BRPF3: variants seen among roughly 807,000 people sequenced by gnomAD.
BRPF3 encodes bromodomain and PHD finger containing 3, also known as bromodomain and PHD finger-containing protein 3.
BRPF3 carries 18 observed loss-of-function variants against 102.0 expected under a neutral mutation model. That is an observed-to-expected ratio of 0.18 (90% CI 0.12 to 0.26). The LOEUF (loss-of-function observed/expected upper bound fraction) is 0.26, where lower values mean the gene tolerates loss of function less well. BRPF3 is among the 10% of genes least tolerant of loss of function. The pLI, the probability that BRPF3 is intolerant of heterozygous loss-of-function variation, is 1.00. For synonymous variants in BRPF3, 570 were observed against 614.2 expected (o/e 0.93, Z 1.06); for missense variants, 1,147 against 1,567.8 (o/e 0.73, Z 4.53).
Position 36,228,939 on chromosome 6 carries a change from A to C in BRPF3, c.3317A>C (p.His1106Pro). The change falls in exon 12 of 13, where the codon CAC becomes CCC. Residue 1106 changes from histidine (H) to proline (P), a missense_variant. His to Pro is a moderately conservative substitution (Grantham distance 77, BLOSUM62 -2). This residue lies in a region of BRPF3 where 85 missense variants were observed against 172.9 expected (regional missense o/e 0.49). Transcript: ENST00000357641. ...DPKMPREGLL[H>P]NGVPIPVPPL... The stretch of plus-strand genomic sequence containing the variant: ...AAGATGCCCCGGGAGGGCCTCCTGC[A>C]CAATGGCGTTCCCATCCCTGTCCCC... 1 of 1,614,192 alleles carries C rather than the reference A, an allele frequency of 6.2e-7. No individual in the cohort carries two copies. The highest frequency in any genetic ancestry group is 8.5e-7 in the Non-Finnish European group (1 of 1,180,022).
chr6:36,211,492 G>A lies in BRPF3; in HGVS notation c.2414G>A (p.Gly805Glu), dbSNP rs1432152604. The A allele has an allele frequency of 6.4e-7, 1 of 1,574,336 alleles. No individual in the cohort carries two copies. Among genetic ancestry groups the A allele is most frequent in the East Asian group, 2.4e-5 (1 of 42,214 alleles). The change falls in exon 7 of 13, where the codon GGG (glycine) becomes GAG (glutamate). Residue 805 changes from glycine (G) to glutamate (E), a missense_variant. By Grantham distance (98) the Gly-to-Glu change is moderately conservative (BLOSUM62 -2). This residue lies in a region of BRPF3 where 379 missense variants were observed against 426.3 expected (regional missense o/e 0.89). Coordinates refer to ENST00000357641, the MANE Select transcript of BRPF3 (RefSeq NM_015695.3). ...GTATCCAATGGGGAGCTGCCAGCAG[G>A]GCCCCAGGGGGATGCAGCTGTGCTG... ...KTVSNGELPAGPQGDAAVLEQ... is the reference protein window; with the variant it reads ...KTVSNGELPAEPQGDAAVLEQ...
chr6:36,197,202 C>G (rs1234193998), intron 1 of BRPF3: 1 of 152,714 alleles, frequency 6.5e-6, no homozygotes, highest in African/African-American at 2.4e-5. Flanking sequence ...TTGTCTCCCC[C>G]CCCAGCCCTG....
Position 36,200,026 on chromosome 6 carries a change from TA to T in BRPF3, c.-26-268del, listed in dbSNP as rs1767636887. Among the ~76,000 whole-genome samples, 2 of 152,190 alleles carry T rather than the reference TA, an allele frequency of 1.3e-5. No individual in the cohort carries two copies. The highest frequency in any genetic ancestry group is 2.4e-5 in the African/African-American group (1 of 41,442). On this transcript the variant is annotated intron_variant, in intron 1 of 12. Coordinates refer to ENST00000357641, the MANE Select transcript of BRPF3 (RefSeq NM_015695.3). The surrounding 1 kb of genome is among the most constrained non-coding windows in gnomAD (Gnocchi z 5.3). ...AGATGATGAATGTTAAAGGGAAAAATAAAGCAGAATGAAAGGTAGATTGCTG... is the reference window on the plus strand; with the variant it reads ...AGATGATGAATGTTAAAGGGAAAAATAAGCAGAATGAAAGGTAGATTGCTG...
In BRPF3 at chr6:36,204,680, C is replaced by A; in HGVS notation, c.1471C>A (p.Leu491Ile). ...AAGGTTGAACAAGATCTGTAGTGGT[C>A]TCTCCTTTCAGAGGAAAAACCAGTT... ...SYRLNKICSG[L>I]SFQRKNQFMQ... The change falls in exon 3 of 13, where the codon CTC becomes ATC. Residue 491 changes from leucine to isoleucine, a missense_variant. By Grantham distance (5) the Leu-to-Ile change is conservative. Transcript: ENST00000357641. 6.2e-7 allele frequency: 1 copy of A among 1,614,192 alleles called. No individual in the cohort carries two copies. Among genetic ancestry groups the A allele is most frequent in the Non-Finnish European group, 8.5e-7 (1 of 1,180,052 alleles).
rs966926039 is a variant in BRPF3 at position 36,232,560 on chromosome 6, C to T, written c.*1951C>T. The T allele has an allele frequency of 8.5e-5, 13 of 152,652 alleles. No homozygotes were observed. Among genetic ancestry groups the T allele is most frequent in the Admixed American group, 6.5e-5 (1 of 15,288 alleles). 9.5% of individuals were successfully genotyped at this position (152,652 alleles called of 1,614,324 possible). A position where few individuals can be genotyped will look rare whatever the true frequency, so the allele number is the denominator to read the frequency against. On this transcript the variant is annotated 3_prime_UTR_variant, in exon 13 of 13. Transcript: ENST00000357641. ...AAACGGCTCAGATCCTGCTGTGGCA[C>T]GGGGCCTATGTGTCTCTGTCGCGTC...
At position 36,201,161 on chromosome 6, in the gene BRPF3, A is replaced by G; in HGVS notation, c.839A>G (p.Lys280Arg). ...ILCPNKGGAF[K>R]QTSDGHWAHV... ...TGCCCCAATAAGGGTGGCGCCTTCA[A>G]ACAGACCAGTGATGGGCACTGGGCC... Residue 280 changes from lysine to arginine, a missense_variant, in exon 2 of 13, where the codon AAA (lysine) becomes AGA (arginine). Lys to Arg is a conservative substitution (Grantham distance 26). Coordinates refer to ENST00000357641, the MANE Select transcript of BRPF3 (RefSeq NM_015695.3). This position sits in a 1 kb window ranked among gnomAD's most constrained non-coding sequence, Gnocchi z 5.1. 1.2e-6 allele frequency: 2 copies of G among 1,614,146 alleles called. No homozygotes were observed. The highest frequency in any genetic ancestry group is 1.7e-6 in the Non-Finnish European group (2 of 1,180,028).
chr6:36,201,672 G>A lies in BRPF3; in HGVS notation c.1350G>A (p.Met450Ile), dbSNP rs1457784192. The A allele has an allele frequency of 2.5e-6, 4 of 1,614,118 alleles. No homozygotes were observed. The African/African-American group carries it at 4.0e-5, about 16-fold the overall frequency. Residue 450 changes from methionine (M) to isoleucine (I), a missense_variant, in exon 2 of 13, where the codon ATG becomes ATA. Met to Ile is a conservative substitution (Grantham distance 10). Coordinates refer to ENST00000357641, the MANE Select transcript of BRPF3 (RefSeq NM_015695.3). This position sits in a 1 kb window ranked among gnomAD's most constrained non-coding sequence, Gnocchi z 5.1. ...AGGGAGTGCCCAAGAAAAGCAAGAT[G>A]AGTTTGAAGCAGAAGATCAAGAAGG... is the stretch of plus-strand genomic sequence containing the variant. The part of the protein sequence containing the change: ...SLKGVPKKSK[M>I]SLKQKIKKEP...
At chr6:36,205,276 A>G (rs1460240443) in intron 3 of BRPF3, among the ~76,000 whole-genome samples, 7 of 152,224 alleles carry the variant, frequency 4.6e-5, no homozygotes, top group Non-Finnish European at 8.8e-5. Flanking sequence ...GCCATTAGCA[A>G]CTGGAGTTGC....
intron 8 of BRPF3, 126 bp from the exon 9 acceptor site, chr6:36,217,789 TCA>T (rs1434417136): frequency 1.5e-6 from 1 of 667,032 alleles, no homozygotes; most frequent in Non-Finnish European, 2.6e-6. Flanking sequence ...GACCCATTTC[TCA>T]CAGGGAAAGG....
chr6:36,197,205 C>T (rs934506351), intron 1 of BRPF3: 2 of 152,492 alleles, frequency 1.3e-5, no homozygotes, highest in Non-Finnish European at 2.9e-5. Context: ...TCTCCCCCCC[C>T]AGCCCTGGAT....
chr6:36,212,300 A>G (rs1044331282), intron 7 of BRPF3, among the ~76,000 whole-genome samples: 3 of 152,162 alleles, frequency 2.0e-5, no homozygotes, highest in African/African-American at 7.2e-5. Context: ...ATCCGAGCCT[A>G]TAGCTTGGGA....
Position 36,213,530 on chromosome 6 carries a change from C to T in BRPF3, c.2483-350C>T, listed in dbSNP as rs185970332. Among the ~76,000 whole-genome samples the T allele has an allele frequency of 1.3e-3, 191 of 152,044 alleles. 4 individuals carry two copies. Among genetic ancestry groups the T allele is most frequent in the African/African-American group, 4.3e-3 (180 of 41,450 alleles). ...GCAACACAGTAAGACCCTGTCTCTACAAAAATTTTTTTGAAAAATTAGCCT... is the reference window on the plus strand; with the variant it reads ...GCAACACAGTAAGACCCTGTCTCTATAAAAATTTTTTTGAAAAATTAGCCT... On this transcript the variant is annotated intron_variant, in intron 7 of 12. Coordinates refer to ENST00000357641, the MANE Select transcript of BRPF3 (RefSeq NM_015695.3).
At chr6:36,205,696 C>T (rs114029123) in intron 3 of BRPF3, among the ~76,000 whole-genome samples, 11 of 152,346 alleles carry the variant, frequency 7.2e-5, no homozygotes, top group Admixed American at 7.2e-4. Context: ...TGACTGTACC[C>T]TATGCTGATC....
intron 11 of BRPF3, among the ~76,000 whole-genome samples, 155 bp downstream of exon 11, chr6:36,225,519 C>T (rs1284464338): frequency 6.6e-6 from 1 of 152,132 alleles, no homozygotes. Flanking sequence ...GTCAAACTAG[C>T]AAGGCTCCCA....
rs779645176 is a variant in BRPF3 at position 36,201,704 on chromosome 6, A to C, written c.1382A>C (p.Glu461Ala). The C allele has an allele frequency of 2.5e-6, 4 of 1,614,130 alleles. No individual in the cohort carries two copies. The East Asian group carries it at 8.9e-5, about 36-fold the overall frequency. ...SLKQKIKKEP[E>A]EAGQDTPSTL... is the part of the protein sequence containing the mutation. Reference sequence around the variant, plus strand: ...AAGCAGAAGATCAAGAAGGAGCCAGAGGAAGCAGGCCAAGACACACCCTCC... The same window carrying C: ...AAGCAGAAGATCAAGAAGGAGCCAGCGGAAGCAGGCCAAGACACACCCTCC... Residue 461 changes from glutamate to alanine, a missense_variant, in exon 2 of 13, where the codon GAG becomes GCG. Transcript: ENST00000357641. The surrounding 1 kb of genome is among the most constrained non-coding windows in gnomAD (Gnocchi z 5.1).
At chr6:36,203,163 G>A (rs1429533201) in intron 2 of BRPF3, among the ~76,000 whole-genome samples, 4 of 152,080 alleles carry the variant, frequency 2.6e-5, no homozygotes, top group African/African-American at 9.7e-5. Flanking sequence ...CTCTTGCTGG[G>A]GCCAGCAGAG....
chr6:36,200,343 G>A lies in BRPF3; in HGVS notation c.21G>A (p.Lys7=), dbSNP rs1470279584. 6.2e-7 allele frequency: 1 copy of A among 1,613,850 alleles called. No homozygotes were observed. Among genetic ancestry groups the A allele is most frequent in the African/African-American group, 1.3e-5 (1 of 74,944 alleles). The change falls in exon 2 of 13, where the codon AAG becomes AAA. Residue 7 remains lysine (K), a synonymous_variant. Coordinates refer to ENST00000357641, the MANE Select transcript of BRPF3 (RefSeq NM_015695.3). This position sits in a 1 kb window ranked among gnomAD's most constrained non-coding sequence, Gnocchi z 5.3. ...GTGCCATGAGGAAGCCTCGTCGGAA[G>A]TCCCGGCAGAATGCCGAGGGCCGGC... The part of the protein sequence containing the change: MRKPRR[K]SRQNAEGRRS...
Position 36,220,395 on chromosome 6 carries a change from C to T in BRPF3, c.3084-1773C>T, listed in dbSNP as rs139855866. On this transcript the variant is annotated intron_variant, in intron 9 of 12. Transcript: ENST00000357641. ...GTTTTATGTGTGTTCGTTCATTAATCCTTACAACAACACATGGGGAGTGTA... is the reference window on the plus strand; with the variant it reads ...GTTTTATGTGTGTTCGTTCATTAATTCTTACAACAACACATGGGGAGTGTA... 7.9e-5 allele frequency among the ~76,000 whole-genome samples: 12 copies of T among 152,252 alleles called. No homozygotes were observed. In the East Asian group the frequency reaches 1.9e-3, roughly 24 times the overall value.
rs756136144 is a variant in BRPF3 at position 36,200,828 on chromosome 6, A to G, written c.506A>G (p.Glu169Gly). ...EDLAWLDMVNEKRRVDGHSLV... is the reference protein window; with the variant it reads ...EDLAWLDMVNGKRRVDGHSLV... The stretch of plus-strand genomic sequence containing the variant: ...CTTGCCTGGCTGGACATGGTGAATG[A>G]AAAACGGCGAGTAGATGGGCACAGT... The change falls in exon 2 of 13, where the codon GAA (glutamate) becomes GGA (glycine). Residue 169 changes from glutamate to glycine, a missense_variant. Physicochemically the swap from Glu to Gly is moderately conservative, Grantham distance 98 (BLOSUM62 -2). This residue lies in a region of BRPF3 where 221 missense variants were observed against 337.1 expected (regional missense o/e 0.66). Transcript: ENST00000357641. This position sits in a 1 kb window ranked among gnomAD's most constrained non-coding sequence, Gnocchi z 5.3. 1.9e-5 allele frequency: 31 copies of G among 1,614,138 alleles called. No homozygotes were observed. The highest frequency in any genetic ancestry group is 2.5e-5 in the Non-Finnish European group (29 of 1,180,014).
Sources: allele counts gnomAD v4.1 joint callset (sites outside exome capture counted in the v4.1 genomes callset), GRCh38; gene constraint gnomAD v4.1.1; regional missense constraint gnomAD v4.1.1; non-coding constraint Gnocchi (gnomAD v3.1); transcripts MANE v1.5; gene names NCBI Gene and HGNC (gene_info 2026-07-23, HGNC 2026-07-21).